Variants in DPYD observed in about 807,000 individuals in gnomAD.
The protein encoded by DPYD is dihydropyrimidine dehydrogenase.
Under a neutral mutation model 116.2 loss-of-function variants are expected in DPYD, and 109 were observed. The observed-to-expected ratio is 0.94, with a 90% CI of 0.80 to 1.10. DPYD has a LOEUF of 1.10. Among genes scored for constraint, DPYD ranks in the 50% least tolerant of loss-of-function variants. DPYD has a pLI of 0.00. For synonymous variants in DPYD, 440 were observed against 432.0 expected (o/e 1.02, Z -0.23); for missense variants, 1,302 against 1,254.5 (o/e 1.04, Z -0.57).
At chr1:97,350,936 G>C (rs1243118013) in intron 16 of DPYD, among the ~76,000 whole-genome samples, 2 of 152,054 alleles carry the variant, frequency 1.3e-5, no homozygotes, top group Non-Finnish European at 2.9e-5. Context: ...AACTCTATAT[G>C]GTGAACTTAT....
chr1:97,156,959 C>A (rs1008293459), intron 20 of DPYD, among the ~76,000 whole-genome samples: 2 of 151,570 alleles, frequency 1.3e-5, no homozygotes, highest in Non-Finnish European at 2.9e-5. Flanking sequence ...GAGTTCATGT[C>A]CTTTGTAGGG....
At chr1:97,916,491 C>T (rs1674219249) in intron 1 of DPYD, among the ~76,000 whole-genome samples, 1 of 152,010 alleles carries the variant, frequency 6.6e-6, no homozygotes, top group South Asian at 2.1e-4. Flanking sequence ...CATCCATGTC[C>T]CTACAAAGGA....
intron 20 of DPYD, among the ~76,000 whole-genome samples, chr1:97,150,687 A>G (rs1402397777): frequency 6.6e-6 from 1 of 152,278 alleles, no homozygotes; most frequent in African/African-American, 2.4e-5. Flanking sequence ...ATCTGCTTTC[A>G]TGACTTCTGG....
chr1:97,682,706 T>A (rs887287018), intron 7 of DPYD, among the ~76,000 whole-genome samples: 1 of 152,146 alleles, frequency 6.6e-6, no homozygotes, highest in African/African-American at 2.4e-5. Context: ...AGAAAAATCA[T>A]ATTACGGGCA....
At chr1:97,739,622 A>G (rs1274162839) in intron 4 of DPYD, among the ~76,000 whole-genome samples, 1 of 152,120 alleles carries the variant, frequency 6.6e-6, no homozygotes, top group African/African-American at 2.4e-5. Flanking sequence ...TCTTTACAGC[A>G]TTTTAGAAAA....
chr1:97,138,252 A>C (rs1389682416), intron 20 of DPYD, among the ~76,000 whole-genome samples: 1 of 152,146 alleles, frequency 6.6e-6, no homozygotes, highest in East Asian at 1.9e-4. Flanking sequence ...TCAGTAATAA[A>C]GAACTTGTTT....
rs564620962 is a variant in DPYD at position 97,579,180 on chromosome 1, C to A, written c.1129-5210G>T. 3.3e-5 allele frequency among the ~76,000 whole-genome samples: 5 copies of A among 152,282 alleles called. No individual in the cohort carries two copies. The East Asian group carries it at 9.7e-4, about 29-fold the overall frequency. Reference sequence around the variant, plus strand: ...AGTCAATAAGCCAACGAAGAGGCATCAAGTGAATGTCACATGGAAGGACAG... The same window carrying A: ...AGTCAATAAGCCAACGAAGAGGCATAAAGTGAATGTCACATGGAAGGACAG... On this transcript the variant is annotated intron_variant, in intron 10 of 22. Transcript: ENST00000370192.
chr1:97,770,821 T>A (rs1310966495), intron 3 of DPYD, among the ~76,000 whole-genome samples: 1 of 152,174 alleles, frequency 6.6e-6, no homozygotes, highest in African/African-American at 2.4e-5. Flanking sequence ...CTTATTATAA[T>A]CTTAAAATGA....
intron 2 of DPYD, among the ~76,000 whole-genome samples, chr1:97,866,956 G>C (rs1189667486): frequency 2.6e-5 from 4 of 151,844 alleles, no homozygotes; most frequent in Non-Finnish European, 5.9e-5. Flanking sequence ...GGGGCTTGTA[G>C]GCTATAATAG....
chr1:97,322,451 T>G (rs1356786512), intron 16 of DPYD, among the ~76,000 whole-genome samples: 1 of 151,982 alleles, frequency 6.6e-6, no homozygotes, highest in Admixed American at 6.6e-5. Flanking sequence ...AAGGAAATAC[T>G]AAAGTGGGTG....
At chr1:97,237,009 AAGTTTGAGACCAGCCTGGCCAAC>A (rs1008717121) in intron 18 of DPYD, among the ~76,000 whole-genome samples, 104 of 152,092 alleles carry the variant, frequency 6.8e-4, no homozygotes, top group African/African-American at 2.3e-3. Context: ...CTGAGGTCAG[AAGTTTGAGACCAGCCTGGCCAAC>A]AGTTTGAGAC....
At chr1:97,614,478 A>T (rs1656145636) in intron 8 of DPYD, among the ~76,000 whole-genome samples, 1 of 152,080 alleles carries the variant, frequency 6.6e-6, no homozygotes, top group Admixed American at 6.6e-5. Flanking sequence ...AAACCATAGT[A>T]GACTAGAGAT....
Position 97,325,426 on chromosome 1 carries a change from T to G in DPYD, c.2059-19129A>C, listed in dbSNP as rs138975554. Among the ~76,000 whole-genome samples the G allele has an allele frequency of 6.5e-3, 986 of 152,188 alleles. 6 individuals carry two copies. The highest frequency in any genetic ancestry group is 0.011 in the Non-Finnish European group (781 of 67,970). The stretch of plus-strand genomic sequence containing the variant: ...ATTTCTTACTGCTTTTTCCTTTTTT[T>G]GAAAGTGAATAATTTGTGGGAATAC... On this transcript the variant is annotated intron_variant, in intron 16 of 22. Coordinates refer to ENST00000370192, the MANE Select transcript of DPYD (RefSeq NM_000110.4).
chr1:97,698,853 A>C (rs960346963), intron 6 of DPYD, among the ~76,000 whole-genome samples: 9 of 151,980 alleles, frequency 5.9e-5, no homozygotes, highest in Non-Finnish European at 1.2e-4. Flanking sequence ...TGTGATTTTA[A>C]AAATGTATAT....
chr1:97,785,612 T>A (rs1666972505), intron 3 of DPYD, among the ~76,000 whole-genome samples: 1 of 150,926 alleles, frequency 6.6e-6, no homozygotes, highest in African/African-American at 2.4e-5. Flanking sequence ...TCACACACCC[T>A]GTGTTTATTA....
chr1:97,393,511 T>A (rs1333349960), intron 14 of DPYD, among the ~76,000 whole-genome samples: 1 of 151,978 alleles, frequency 6.6e-6, no homozygotes, highest in Admixed American at 6.6e-5. Flanking sequence ...TTCTCATTGT[T>A]CAGTTCCCAC....
At chr1:97,577,790 G>A (rs887684649) in intron 10 of DPYD, among the ~76,000 whole-genome samples, 2 of 151,590 alleles carry the variant, frequency 1.3e-5, no homozygotes, top group Non-Finnish European at 2.9e-5. Flanking sequence ...TATTTGTCTT[G>A]TTATAAGTAT....
chr1:97,892,873 A>T (rs1228984882), intron 1 of DPYD, among the ~76,000 whole-genome samples: 1 of 151,844 alleles, frequency 6.6e-6, no homozygotes, highest in East Asian at 1.9e-4. Context: ...AGCAATATGC[A>T]TAGTGTTTGA....
intron 2 of DPYD, among the ~76,000 whole-genome samples, chr1:97,842,500 G>A (rs1028699686): frequency 2.0e-5 from 3 of 151,902 alleles, no homozygotes; most frequent in Admixed American, 1.3e-4. Flanking sequence ...ATACAATTGA[G>A]TAATCCAAAT....
Sources: allele counts gnomAD v4.1 joint callset (sites outside exome capture counted in the v4.1 genomes callset), GRCh38; gene constraint gnomAD v4.1.1; transcripts MANE v1.5; gene names NCBI Gene and HGNC (gene_info 2026-07-23, HGNC 2026-07-21).